TNIP1: variants seen among roughly 807,000 people sequenced by gnomAD.
TNIP1 encodes TNFAIP3-interacting protein 1.
A neutral mutation model predicts 86.6 loss-of-function variants in TNIP1; 22 were observed. That is an observed-to-expected ratio of 0.25 (90% CI 0.18 to 0.36). The LOEUF (loss-of-function observed/expected upper bound fraction) is 0.36. Ranked by LOEUF, TNIP1 falls within the 10% of genes least tolerant of loss-of-function variation. The pLI, the probability that TNIP1 is intolerant of heterozygous loss-of-function variation, is 1.00. For synonymous variants in TNIP1, 294 were observed against 313.0 expected (o/e 0.94, Z 0.64); for missense variants, 709 against 820.6 (o/e 0.86, Z 1.66).
chr5:151,037,184 A>C lies in TNIP1; in HGVS notation c.1264-263T>G, dbSNP rs1757816673. 13 of 309,176 alleles carry C rather than the reference A, an allele frequency of 4.2e-5. No homozygotes were observed. The South Asian group carries it at 5.0e-4, about 12-fold the overall frequency. The allele number at this position is 309,176 out of a possible 1,614,324, so 19.2% of individuals were successfully genotyped here. ...GTGAAAACTGAGGCTCAGAGACCTGAAGGGGCTTGTCCAAGGTCAAGGTCA... is the reference window on the plus strand; with the variant it reads ...GTGAAAACTGAGGCTCAGAGACCTGCAGGGGCTTGTCCAAGGTCAAGGTCA... On this transcript the variant is annotated intron_variant, in intron 12 of 17. Transcript: ENST00000521591.
intron 5 of TNIP1, 25 bp downstream of exon 5, chr5:151,060,292 GC>G (rs1561515111): frequency 1.2e-6 from 2 of 1,613,128 alleles, no homozygotes; most frequent in Non-Finnish European, 1.7e-6. Context: ...AGCAGGTCAA[GC>G]CCGGGGTCCT....
In TNIP1 at chr5:151,077,441, C is replaced by T. The variant is rs531764826; in HGVS notation, c.-37+3439G>A. On this transcript the variant is annotated intron_variant, in intron 1 of 17. Transcript: ENST00000521591. ...TTAGCATCATTAACGATAATAGCAG[C>T]GACCCTGTACCAAGCGCTTACCACA... 5.3e-5 allele frequency among the ~76,000 whole-genome samples: 8 copies of T among 152,322 alleles called. No homozygotes were observed. In the South Asian group the frequency reaches 6.2e-4, roughly 12 times the overall value.
At chr5:151,049,759 G>A (rs1759658362) in intron 8 of TNIP1, 65 bp downstream of exon 8, 1 of 1,584,674 alleles carries the variant, frequency 6.3e-7, no homozygotes, top group Non-Finnish European at 8.7e-7. Context: ...TGTCACTGGA[G>A]GTGGTAAGCA....
chr5:151,087,486 A>T (rs2113874362), upstream of TNIP1: 1 of 151,710 alleles, frequency 6.6e-6, no homozygotes, highest in South Asian at 2.1e-4. Flanking sequence ...TGTCCTGAAG[A>T]CCTCCATTTC....
chr5:151,035,750 G>C (rs745597148), intron 13 of TNIP1, 43 bp from the exon 14 acceptor site: 5 of 1,609,474 alleles, frequency 3.1e-6, no homozygotes, highest in Non-Finnish European at 3.4e-6. Context: ...GGATGGTCCT[G>C]AGTGGGGATT....
chr5:151,070,483 G>A (rs1029082139), intron 1 of TNIP1, among the ~76,000 whole-genome samples: 1 of 152,132 alleles, frequency 6.6e-6, no homozygotes, highest in Non-Finnish European at 1.5e-5. Context: ...TTATTCTCTA[G>A]TGACCTGCAT....
intron 6 of TNIP1, among the ~76,000 whole-genome samples, chr5:151,056,380 G>GGCTGCT (rs1250588280): frequency 6.6e-6 from 1 of 152,136 alleles, no homozygotes; most frequent in Non-Finnish European, 1.5e-5. Flanking sequence ...GCAAAAAAAG[G>GGCTGCT]GCTGCTTCCC....
In TNIP1 at chr5:151,059,873, G is replaced by A. The variant is rs558032369; in HGVS notation, c.435+445C>T. 3.2e-4 allele frequency among the ~76,000 whole-genome samples: 20 copies of A among 62,580 alleles called. 1 individual carries two copies. Among genetic ancestry groups the A allele is most frequent in the Admixed American group, 3.6e-4 (2 of 5,574 alleles). The allele number at this position is 62,580 out of a possible 152,430, so 41.1% of individuals were successfully genotyped here. A position where few individuals can be genotyped will look rare whatever the true frequency, so the allele number is the denominator to read the frequency against. ...TGTGTGTGTGTGTGTGTGTGCGCGC[G>A]CGCGCGCGCATGCGTGTAAGTGGAA... is the stretch of plus-strand genomic sequence containing the variant. On this transcript the variant is annotated intron_variant, in intron 5 of 17. Transcript: ENST00000521591.
At chr5:151,062,923 A>T (rs1761767693) in intron 3 of TNIP1, among the ~76,000 whole-genome samples, 1 of 152,258 alleles carries the variant, frequency 6.6e-6, no homozygotes, top group Non-Finnish European at 1.5e-5. Flanking sequence ...CATACAGTAG[A>T]GCTGCAGCAG....
intron 13 of TNIP1, 128 bp from the exon 14 acceptor site, chr5:151,035,835 G>A (rs1261956688): frequency 4.8e-5 from 57 of 1,180,704 alleles, no homozygotes; most frequent in Non-Finnish European, 6.5e-5. Context: ...ATGGGGAGTG[G>A]GACAGCTACA....
chr5:151,059,820 AGAGAGAGAGTGTGTGTGT>A (rs1561512826), intron 5 of TNIP1, among the ~76,000 whole-genome samples: 4 of 93,744 alleles, frequency 4.3e-5, no homozygotes, highest in Non-Finnish European at 6.0e-5. Context: ...AGAGAGAGAG[AGAGAGAGAGTGTGTGTGT>A]GTGTGTGTGT....
rs182067600 is a variant in TNIP1, at chr5:151,045,850, C to T, written c.936+11G>A. 6,442 of 1,613,536 alleles carry T rather than the reference C, an allele frequency of 4.0e-3. 14 individuals are homozygous for T. Among genetic ancestry groups the T allele is most frequent in the Non-Finnish European group, 5.0e-3 (5,929 of 1,179,870 alleles). On this transcript the variant is annotated intron_variant, in intron 9 of 17. Transcript: ENST00000521591. ...AGGGATCCTCCCACTACTGCCACCT[C>T]GGCCACCTACCTCACTGCGCTGCTG...
chr5:151,066,304 C>A (rs1279378239), intron 1 of TNIP1, among the ~76,000 whole-genome samples: 2 of 152,180 alleles, frequency 1.3e-5, no homozygotes, highest in African/African-American at 4.8e-5. Flanking sequence ...AGGGCAGAGG[C>A]CCTAAGGCTG....
In TNIP1 at chr5:151,056,836, C is replaced by T. The variant is rs771935754; in HGVS notation, c.557G>A (p.Arg186His). 11 of 1,598,080 alleles carry T rather than the reference C, an allele frequency of 6.9e-6. No homozygotes were observed. Among genetic ancestry groups the T allele is most frequent in the South Asian group, 4.5e-5 (4 of 89,054 alleles). The change falls in exon 6 of 18, where the codon CGC becomes CAC. Residue 186 changes from arginine to histidine, a missense_variant. Coordinates refer to ENST00000521591, the MANE Select transcript of TNIP1 (RefSeq NM_006058.5). The stretch of plus-strand genomic sequence containing the variant: ...CAGTCGGTTGAACTCCAGGGCCATG[C>T]GGCCCAGGTGGGTGAAGAGCTGGCC... The part of the protein sequence containing the change: ...DHGQLFTHLG[R>H]MALEFNRLAS...
intron 1 of TNIP1, among the ~76,000 whole-genome samples, chr5:151,071,843 C>T (rs1376638641): frequency 1.3e-5 from 2 of 152,194 alleles, no homozygotes; most frequent in African/African-American, 4.8e-5. Context: ...GCCCAGATTA[C>T]ACACCACCCG....
Position 151,033,670 on chromosome 5 carries a change from G to T in TNIP1, c.1717C>A (p.Pro573Thr). Reference protein sequence around the residue: ...GFEDWSQIRYPPPPMAMEHPP... With the variant: ...GFEDWSQIRYTPPPMAMEHPP... ...TGCTCCATGGCCATGGGGGGAGGGG[G>T]GTAGCGGATCTGGGACCAGTCCTCG... The change falls in exon 16 of 18, where the codon CCC becomes ACC. Residue 573 changes from proline (P) to threonine (T), a missense_variant. Physicochemically the swap from Pro to Thr is conservative, Grantham distance 38 (BLOSUM62 -1). Coordinates refer to ENST00000521591, the MANE Select transcript of TNIP1 (RefSeq NM_006058.5). 7 of 1,349,456 alleles carry T rather than the reference G, an allele frequency of 5.2e-6. No homozygotes were observed. The highest frequency in any genetic ancestry group is 6.7e-6 in the Non-Finnish European group (7 of 1,039,210). 83.6% of individuals were successfully genotyped at this position (1,349,456 alleles called of 1,614,324 possible).
intron 17 of TNIP1, 24 bp downstream of exon 17, chr5:151,032,263 C>G (rs761414945): frequency 6.3e-7 from 1 of 1,588,140 alleles, no homozygotes; most frequent in Non-Finnish European, 8.6e-7. Context: ...CAGGGAGGAC[C>G]AAGACTCAGT....
At chr5:151,053,738 C>A (rs921372591) in intron 6 of TNIP1, among the ~76,000 whole-genome samples, 1 of 152,224 alleles carries the variant, frequency 6.6e-6, no homozygotes, top group Non-Finnish European at 1.5e-5. Context: ...TGGTGCCTCA[C>A]AACTTCCTCA....
At chr5:151,068,225 G>A (rs562470413) in intron 1 of TNIP1, among the ~76,000 whole-genome samples, 2 of 152,314 alleles carry the variant, frequency 1.3e-5, no homozygotes, top group South Asian at 2.1e-4. Flanking sequence ...AAGACAAAGA[G>A]GGAAACAGGG....
Sources: gnomAD v4.1 joint callset for allele counts (sites outside exome capture counted in the v4.1 genomes callset) on GRCh38, gnomAD v4.1.1 for gene constraint, MANE v1.5 for transcripts, NCBI Gene and HGNC (gene_info 2026-07-23, HGNC 2026-07-21) for gene names.